The following SPIDR variants were observed in gnomAD, a reference collection of about 807,000 sequenced individuals.
SPIDR encodes the protein DNA repair-scaffolding protein.
In SPIDR, 93 loss-of-function variants were observed where a neutral mutation model predicts 104.6. That is an observed-to-expected ratio of 0.89 (90% CI 0.75 to 1.06). The LOEUF is 1.06. Ranked by LOEUF, SPIDR falls within the 50% of genes least tolerant of loss-of-function variation. The pLI, the probability that SPIDR is intolerant of heterozygous loss-of-function variation, is 0.00. For missense variants in SPIDR, 1,154 were observed against 1,111.2 expected, an observed-to-expected ratio of 1.04 and a Z score of -0.55; for synonymous variants, 431 against 416.9, an observed-to-expected ratio of 1.03 and a Z score of -0.41.
chr8:47,594,050 C>T (rs1301517052), intron 8 of SPIDR, among the ~76,000 whole-genome samples: 3 of 151,800 alleles, frequency 2.0e-5, no homozygotes, highest in African/African-American at 7.3e-5. Flanking sequence ...GGGGAGTACT[C>T]GTTGCAGGCC....
At chr8:47,291,914 T>C (rs1276967414) in intron 4 of SPIDR, among the ~76,000 whole-genome samples, 1 of 152,206 alleles carries the variant, frequency 6.6e-6, no homozygotes, top group Non-Finnish European at 1.5e-5. Flanking sequence ...CTTGACACTC[T>C]TGACATTTTG....
chr8:47,699,220 A>T (rs2079784964), intron 11 of SPIDR, among the ~76,000 whole-genome samples: 1 of 152,158 alleles, frequency 6.6e-6, no homozygotes, highest in South Asian at 2.1e-4. Flanking sequence ...TGTGTTGGAC[A>T]CTCACTCTGA....
intron 5 of SPIDR, among the ~76,000 whole-genome samples, chr8:47,371,914 A>T (rs949513657): frequency 6.6e-6 from 1 of 152,144 alleles, no homozygotes; most frequent in African/African-American, 2.4e-5. Flanking sequence ...GTTCTGCCGT[A>T]TTGACTACAT....
intron 5 of SPIDR, among the ~76,000 whole-genome samples, chr8:47,301,310 T>G (rs1554577209): frequency 6.6e-6 from 1 of 152,072 alleles, no homozygotes; most frequent in Non-Finnish European, 1.5e-5. Flanking sequence ...AGATCTTCCT[T>G]CATCCTTTAT....
At chr8:47,669,506 A>G (rs2075504382) in intron 10 of SPIDR, among the ~76,000 whole-genome samples, 3 of 152,306 alleles carry the variant, frequency 2.0e-5, no homozygotes, top group East Asian at 1.9e-4. Flanking sequence ...AAGAAGAGTG[A>G]TAACTCGTCT....
At chr8:47,564,056 GCTT>G (rs2057433346) in intron 8 of SPIDR, among the ~76,000 whole-genome samples, 1 of 142,786 alleles carries the variant, frequency 7.0e-6, no homozygotes, top group African/African-American at 2.6e-5. Flanking sequence ...TTAAATATTT[GCTT>G]CTTTTTTCTT....
chr8:47,505,003 A>T (rs2081248275), intron 8 of SPIDR, among the ~76,000 whole-genome samples: 1 of 152,278 alleles, frequency 6.6e-6, no homozygotes, highest in East Asian at 1.9e-4. Flanking sequence ...GTTTTGTCTC[A>T]GCGGAGTACC....
intron 5 of SPIDR, among the ~76,000 whole-genome samples, chr8:47,359,178 G>A (rs1046270259): frequency 1.3e-5 from 2 of 151,160 alleles, no homozygotes; most frequent in South Asian, 2.1e-4. Context: ...CCCGGGAAGC[G>A]GAGCTTGCAG....
At chr8:47,472,815 A>C (rs59296029) in intron 8 of SPIDR, among the ~76,000 whole-genome samples, 1 of 152,340 alleles carries the variant, frequency 6.6e-6, no homozygotes, top group African/African-American at 2.4e-5. Context: ...CTTATGGTTA[A>C]ATATTAAACA....
chr8:47,341,374 T>C (rs1225458598), intron 5 of SPIDR, among the ~76,000 whole-genome samples: 1 of 152,078 alleles, frequency 6.6e-6, no homozygotes, highest in Non-Finnish European at 1.5e-5. Context: ...TTAAAACCTA[T>C]GGGAAGAATA....
intron 10 of SPIDR, among the ~76,000 whole-genome samples, chr8:47,606,602 G>A (rs908916060): frequency 4.6e-5 from 7 of 152,140 alleles, no homozygotes; most frequent in African/African-American, 9.7e-5. Context: ...GATTAAGGCC[G>A]AATGAGGAAC....
intron 9 of SPIDR, among the ~76,000 whole-genome samples, chr8:47,597,579 A>G (rs1164784673): frequency 6.6e-6 from 1 of 152,214 alleles, no homozygotes; most frequent in Non-Finnish European, 1.5e-5. Context: ...GCATGCTGGT[A>G]TTTGACAACG....
chr8:47,623,821 G>T (rs991399628), intron 10 of SPIDR, among the ~76,000 whole-genome samples: 32 of 152,168 alleles, frequency 2.1e-4, no homozygotes, highest in African/African-American at 5.8e-4. Context: ...ACATTAGACA[G>T]ATCAACGAGA....
intron 5 of SPIDR, among the ~76,000 whole-genome samples, chr8:47,363,957 G>A (rs552409574): frequency 6.6e-6 from 1 of 151,958 alleles, no homozygotes; most frequent in East Asian, 1.9e-4. Flanking sequence ...ATGAAGGAAC[G>A]TGGTAGATAC....
chr8:47,445,955 C>T (rs782121529), intron 8 of SPIDR, among the ~76,000 whole-genome samples: 1 of 152,168 alleles, frequency 6.6e-6, no homozygotes, highest in Non-Finnish European at 1.5e-5. Flanking sequence ...ATTTAAGAAA[C>T]TCCCCCATAA....
chr8:47,729,422 G>C lies in SPIDR; in HGVS notation c.2561G>C (p.Arg854Pro). The C allele has an allele frequency of 1.9e-6, 3 of 1,594,946 alleles. No individual in the cohort carries two copies. Among genetic ancestry groups the C allele is most frequent in the Non-Finnish European group, 2.6e-6 (3 of 1,171,274 alleles). Residue 854 changes from arginine to proline, a missense_variant, in exon 19 of 20, where the codon CGC becomes CCC. Arg to Pro is a moderately radical substitution (Grantham distance 103). Transcript: ENST00000297423. Reference sequence around the variant, plus strand: ...CTTCTGCTGTTGCAGCTGTTGCAGCGCAGCATTTCCTCCCTGCTGAGGTTT... The same window carrying C: ...CTTCTGCTGTTGCAGCTGTTGCAGCCCAGCATTTCCTCCCTGCTGAGGTTT... ...QCRVKVKLLQ[R>P]SISSLLRFAA...
chr8:47,276,324 C>G (rs1265857113), intron 1 of SPIDR, among the ~76,000 whole-genome samples: 3 of 152,254 alleles, frequency 2.0e-5, no homozygotes, highest in South Asian at 2.1e-4. Flanking sequence ...TATCGCTTGT[C>G]CAAGTGCTAG....
intron 8 of SPIDR, among the ~76,000 whole-genome samples, chr8:47,464,417 C>A (rs1554715712): frequency 1.3e-5 from 2 of 152,160 alleles, no homozygotes; most frequent in Admixed American, 1.3e-4. Context: ...CCGGGAAGAC[C>A]TGGTGCATTC....
At chr8:47,709,297 C>T (rs1367318622) in intron 14 of SPIDR, among the ~76,000 whole-genome samples, 1 of 152,212 alleles carries the variant, frequency 6.6e-6, no homozygotes, top group East Asian at 1.9e-4. Flanking sequence ...TGCACCACCA[C>T]ACCAGCTAAT....
Sources: gnomAD v4.1 joint callset for allele counts (sites outside exome capture counted in the v4.1 genomes callset) on GRCh38, gnomAD v4.1.1 for gene constraint, MANE v1.5 for transcripts, NCBI Gene and HGNC (gene_info 2026-07-23, HGNC 2026-07-21) for gene names.